Variants in MAPRE2 observed in about 807,000 individuals in gnomAD.
MAPRE2 encodes microtubule associated protein RP/EB family member 2, also known as microtubule-associated protein RP/EB family member 2.
Under a neutral mutation model 43.2 loss-of-function variants are expected in MAPRE2, and 13 were observed. The ratio of observed to expected loss-of-function variants is 0.30; its 90% confidence interval spans 0.20 to 0.48. MAPRE2 has a LOEUF of 0.48. Ranked by LOEUF, MAPRE2 falls within the 20% of genes least tolerant of loss-of-function variation. The pLI is 0.99. For synonymous variants in MAPRE2, 135 were observed against 148.8 expected, an observed-to-expected ratio of 0.91 and a Z score of 0.68; for missense variants, 161 against 400.2, an observed-to-expected ratio of 0.40 and a Z score of 5.10.
intron 4 of MAPRE2, among the ~76,000 whole-genome samples, chr18:35,114,709 G>A (rs557652496): frequency 6.6e-6 from 1 of 152,146 alleles, no homozygotes; most frequent in Non-Finnish European, 1.5e-5. Flanking sequence ...AGGAGGGCGA[G>A]GGTCTCCACT....
At chr18:35,025,304 T>A (rs2097044470) in intron 2 of MAPRE2, among the ~76,000 whole-genome samples, 2 of 152,234 alleles carry the variant, frequency 1.3e-5, no homozygotes, top group South Asian at 4.1e-4. Flanking sequence ...CAAATGTAAG[T>A]GACTGGCCAA....
intron 4 of MAPRE2, among the ~76,000 whole-genome samples, chr18:35,118,769 C>T (rs1909533127): frequency 6.6e-6 from 1 of 152,148 alleles, no homozygotes; most frequent in Non-Finnish European, 1.5e-5. Flanking sequence ...CATCTCTGAC[C>T]TTCTGTCTAC....
chr18:35,095,839 G>A (rs1047982358), intron 2 of MAPRE2, among the ~76,000 whole-genome samples: 6 of 151,882 alleles, frequency 4.0e-5, no homozygotes, highest in African/African-American at 1.5e-4. Context: ...TCCTCCCCCA[G>A]TGTCTTTTTT....
At chr18:35,098,457 A>G (rs1333145445) in intron 3 of MAPRE2, among the ~76,000 whole-genome samples, 3 of 152,170 alleles carry the variant, frequency 2.0e-5, no homozygotes, top group African/African-American at 4.8e-5. Flanking sequence ...TTGATAAACT[A>G]TGTATTTTGT....
intron 2 of MAPRE2, among the ~76,000 whole-genome samples, chr18:35,011,289 G>A (rs1484986401): frequency 6.6e-6 from 1 of 152,232 alleles, no homozygotes; most frequent in Non-Finnish European, 1.5e-5. Flanking sequence ...GGAAAAGGAA[G>A]AGCTAGCCAA....
chr18:35,010,286 G>A (rs1288839628), intron 2 of MAPRE2, among the ~76,000 whole-genome samples: 1 of 152,140 alleles, frequency 6.6e-6, no homozygotes, highest in African/African-American at 2.4e-5. Flanking sequence ...CATGTCTGTA[G>A]TTGCAGCTAT....
chr18:34,999,957 C>T (rs78169552), intron 1 of MAPRE2, among the ~76,000 whole-genome samples: 3,040 of 151,824 alleles, frequency 0.02, 113 homozygotes, highest in African/African-American at 0.069. Context: ...CAGTGCGTGG[C>T]GGCGGAGGCA....
chr18:35,117,299 C>T (rs1378598975), intron 4 of MAPRE2, among the ~76,000 whole-genome samples: 1 of 152,160 alleles, frequency 6.6e-6, no homozygotes, highest in Non-Finnish European at 1.5e-5. Context: ...GCCCTGTGGC[C>T]TCAGACCGTG....
intron 2 of MAPRE2, among the ~76,000 whole-genome samples, chr18:35,026,724 C>CT (rs1244617736): frequency 1.3e-5 from 2 of 152,158 alleles, no homozygotes; most frequent in African/African-American, 4.8e-5. Context: ...GCCAAGGTGA[C>CT]TAGGGACCTT....
At chr18:35,078,366 C>T (rs977872809) in intron 2 of MAPRE2, among the ~76,000 whole-genome samples, 4 of 152,092 alleles carry the variant, frequency 2.6e-5, no homozygotes, top group African/African-American at 7.2e-5. Context: ...TTATCTTAAC[C>T]GGTTACATAC....
At chr18:35,028,318 T>C (rs2097046290) in intron 2 of MAPRE2, among the ~76,000 whole-genome samples, 1 of 152,226 alleles carries the variant, frequency 6.6e-6, no homozygotes, top group Non-Finnish European at 1.5e-5. Context: ...GTGAAGAAGC[T>C]GAAGCTAGAG....
chr18:35,135,489 C>T (rs111488516), intron 6 of MAPRE2, among the ~76,000 whole-genome samples: 64 of 152,314 alleles, frequency 4.2e-4, no homozygotes, highest in African/African-American at 1.4e-3. Flanking sequence ...AATCTGGTTT[C>T]TCTGGAACCA....
rs945699190 is a variant in MAPRE2, at chr18:35,142,566, A to G, written c.*2197A>G. The G allele has an allele frequency of 3.3e-5, 5 of 152,190 alleles. No individual in the cohort carries two copies. Among genetic ancestry groups the G allele is most frequent in the Admixed American group, 6.5e-5 (1 of 15,270 alleles). 9.4% of individuals were successfully genotyped at this position (152,190 alleles called of 1,614,324 possible). On this transcript the variant is annotated 3_prime_UTR_variant, in exon 7 of 7. Transcript: ENST00000300249. Reference sequence around the variant, plus strand: ...TGCTGGCCAGATCTCTTAGCCTGCAAAGAGAACTTTCCCCAGTCACCATAG... The same window carrying G: ...TGCTGGCCAGATCTCTTAGCCTGCAGAGAGAACTTTCCCCAGTCACCATAG...
chr18:34,991,453 G>A (rs1394072435), intron 1 of MAPRE2, among the ~76,000 whole-genome samples: 1 of 152,174 alleles, frequency 6.6e-6, no homozygotes, highest in Admixed American at 6.6e-5. Context: ...TGAAAGGAAC[G>A]AGAGGCTCCT....
At chr18:35,034,493 A>C (rs2097049457) in intron 2 of MAPRE2, among the ~76,000 whole-genome samples, 1 of 152,106 alleles carries the variant, frequency 6.6e-6, no homozygotes, top group Non-Finnish European at 1.5e-5. Context: ...ATGGCAACAA[A>C]AGCCAAAATT....
intron 1 of MAPRE2, among the ~76,000 whole-genome samples, chr18:35,055,567 G>GTGTGTGTGTGTA (rs1555914082): frequency 1.3e-5 from 2 of 150,480 alleles, no homozygotes; most frequent in African/African-American, 4.9e-5. Context: ...GTGTGTGTAT[G>GTGTGTGTGTGTA]TGTGTGTGTG....
chr18:35,003,207 T>C (rs959844529), intron 1 of MAPRE2, among the ~76,000 whole-genome samples: 2 of 152,214 alleles, frequency 1.3e-5, no homozygotes, highest in African/African-American at 4.8e-5. Context: ...AGGCTGGGAC[T>C]TCTTGAGCAC....
chr18:34,978,349 G>A, intron 1 of MAPRE2: 3 of 684,676 alleles, frequency 4.4e-6, no homozygotes, highest in Middle Eastern at 3.1e-4. Context: ...CGAAACGGAA[G>A]AACTTCCTTG....
chr18:35,041,469 G>A lies in MAPRE2; in HGVS notation c.-71G>A. ...CGGTCCGTGCGGAGCAGGCGAGCGAGCGGGAAGACGCAGCCACCTTCCTCA... is the reference window on the plus strand; with the variant it reads ...CGGTCCGTGCGGAGCAGGCGAGCGAACGGGAAGACGCAGCCACCTTCCTCA... On this transcript the variant is annotated 5_prime_UTR_variant, in exon 1 of 7. Coordinates refer to ENST00000300249, the MANE Select transcript of MAPRE2 (RefSeq NM_014268.4). The A allele has an allele frequency of 6.2e-7, 1 of 1,611,244 alleles. No individual in the cohort carries two copies. Among genetic ancestry groups the A allele is most frequent in the African/African-American group, 1.3e-5 (1 of 75,032 alleles).
Sources: gnomAD v4.1 joint callset for allele counts (sites outside exome capture counted in the v4.1 genomes callset) on GRCh38, gnomAD v4.1.1 for gene constraint, MANE v1.5 for transcripts, NCBI Gene and HGNC (gene_info 2026-07-23, HGNC 2026-07-21) for gene names.